The following SGCZ variants were observed in gnomAD, a reference collection of about 807,000 sequenced individuals.
SGCZ encodes the protein sarcoglycan zeta, also known as zeta-sarcoglycan.
In SGCZ, 40 loss-of-function variants were observed where a neutral mutation model predicts 41.3. The ratio of observed to expected loss-of-function variants is 0.97; its 90% confidence interval spans 0.75 to 1.26. The LOEUF (loss-of-function observed/expected upper bound fraction) is 1.26. SGCZ is among the 50% of genes most tolerant of loss of function. The pLI is 0.00. For missense variants in SGCZ, 552 were observed against 369.8 expected (o/e 1.49, Z -4.04); for synonymous variants, 206 against 137.5 (o/e 1.50, Z -3.49).
rs1434339789 is a variant in SGCZ, at chr8:14,365,334, G to C, written c.235-41130C>G. Among the ~76,000 whole-genome samples the C allele has an allele frequency of 2.6e-5, 4 of 151,698 alleles. 1 individual carries two copies. The South Asian group carries it at 8.3e-4, about 31-fold the overall frequency. On this transcript the variant is annotated intron_variant, in intron 2 of 7. Transcript: ENST00000382080. Reference sequence around the variant, plus strand: ...ACTTTAGTTAAATAATTTTTGTATTGTATTACAAAATATTTTCTGCATTTT... The same window carrying C: ...ACTTTAGTTAAATAATTTTTGTATTCTATTACAAAATATTTTCTGCATTTT...
chr8:14,880,151 G>A (rs1804533513), intron 1 of SGCZ, among the ~76,000 whole-genome samples: 1 of 152,008 alleles, frequency 6.6e-6, no homozygotes, highest in Non-Finnish European at 1.5e-5. Context: ...CAAAAAATCT[G>A]CATTTAACTC....
At chr8:14,269,821 T>C (rs1193566332) in intron 3 of SGCZ, among the ~76,000 whole-genome samples, 9 of 152,174 alleles carry the variant, frequency 5.9e-5, no homozygotes, top group East Asian at 5.8e-4. Flanking sequence ...ACAGTCTGCA[T>C]ACGTTTTTGC....
rs1228581321 is a variant in SGCZ, at chr8:14,324,191, T to C, written c.248A>G (p.Asn83Ser). 1.9e-6 allele frequency: 3 copies of C among 1,611,806 alleles called. No individual in the cohort carries two copies. The highest frequency in any genetic ancestry group is 4.5e-5 in the East Asian group (2 of 44,808). Reference protein sequence around the residue: ...VMNFTVDGMGNLRVTKKGIRL... With the variant: ...VMNFTVDGMGSLRVTKKGIRL... The stretch of plus-strand genomic sequence containing the variant: ...GATTCCCTTCTTGGTGACTCTCAGA[T>C]TTCCCATACCATCCTACAAGCAATG... The change falls in exon 3 of 8, where the codon AAT becomes AGT. Residue 83 changes from asparagine (N) to serine (S), a missense_variant. Asn to Ser is a conservative substitution (Grantham distance 46, BLOSUM62 1). Transcript: ENST00000382080.
chr8:14,748,570 C>T (rs1007612053), intron 1 of SGCZ, among the ~76,000 whole-genome samples: 6 of 152,232 alleles, frequency 3.9e-5, no homozygotes, highest in East Asian at 3.9e-4. Flanking sequence ...TGGAATATTT[C>T]GGCATGTTTC....
intron 2 of SGCZ, among the ~76,000 whole-genome samples, chr8:14,429,318 C>A (rs920599892): frequency 6.6e-6 from 1 of 152,064 alleles, no homozygotes; most frequent in African/African-American, 2.4e-5. Flanking sequence ...GAGGTTTGGT[C>A]AAAGACTTGG....
At chr8:14,138,209 C>T (rs1803260679) in intron 5 of SGCZ, among the ~76,000 whole-genome samples, 2 of 152,166 alleles carry the variant, frequency 1.3e-5, no homozygotes, top group South Asian at 4.1e-4. Context: ...ACAACCAGTA[C>T]CAGCCACTAC....
chr8:14,509,022 C>T (rs1043120253), intron 2 of SGCZ, among the ~76,000 whole-genome samples: 4 of 152,100 alleles, frequency 2.6e-5, no homozygotes, highest in African/African-American at 9.7e-5. Context: ...TAATATCGAA[C>T]TTTCAAACAC....
intron 1 of SGCZ, among the ~76,000 whole-genome samples, chr8:14,660,681 G>A (rs1203948484): frequency 6.6e-6 from 1 of 151,824 alleles, no homozygotes; most frequent in Non-Finnish European, 1.5e-5. Context: ...TTAGCTCTCA[G>A]AGAAGAGAGA....
At chr8:14,617,044 G>C (rs536013027) in intron 1 of SGCZ, among the ~76,000 whole-genome samples, 159 of 152,106 alleles carry the variant, frequency 1.0e-3, no homozygotes, top group Middle Eastern at 0.01. Flanking sequence ...ATATTAGGAA[G>C]AGAAAAAAAT....
chr8:14,250,303 C>G (rs760490259), intron 3 of SGCZ, among the ~76,000 whole-genome samples: 2 of 152,128 alleles, frequency 1.3e-5, no homozygotes, highest in African/African-American at 2.4e-5. Flanking sequence ...CATGTTAAAC[C>G]TACAAATCTA....
intron 1 of SGCZ, among the ~76,000 whole-genome samples, chr8:15,023,795 T>C (rs1393158772): frequency 6.6e-6 from 1 of 152,158 alleles, no homozygotes; most frequent in African/African-American, 2.4e-5. Context: ...AGAGTCCCAT[T>C]TGGCCTGTGA....
chr8:15,038,814 C>CAAAAAAAAAAAA (rs58922339), intron 1 of SGCZ, among the ~76,000 whole-genome samples: 2 of 93,084 alleles, frequency 2.1e-5, no homozygotes, highest in African/African-American at 8.1e-5. Flanking sequence ...TGACATTTCT[C>CAAAAAAAAAAAA]AAAAAAAAAA....
intron 2 of SGCZ, among the ~76,000 whole-genome samples, chr8:14,356,048 T>C (rs1294135086): frequency 2.6e-5 from 4 of 152,160 alleles, no homozygotes; most frequent in African/African-American, 9.7e-5. Context: ...TATTCTCTCA[T>C]AATGCTTGGG....
At chr8:14,246,928 A>T (rs1434835819) in intron 3 of SGCZ, among the ~76,000 whole-genome samples, 1 of 151,170 alleles carries the variant, frequency 6.6e-6, no homozygotes, top group African/African-American at 2.4e-5. Flanking sequence ...AAAAAAAAAA[A>T]AAAGTAAAAC....
chr8:14,645,825 C>A (rs1035870258), intron 1 of SGCZ, among the ~76,000 whole-genome samples: 3 of 151,694 alleles, frequency 2.0e-5, no homozygotes, highest in African/African-American at 7.3e-5. Context: ...ACATTCACAG[C>A]AAATTTTATT....
At chr8:14,718,824 T>C (rs944289943) in intron 1 of SGCZ, among the ~76,000 whole-genome samples, 1 of 146,828 alleles carries the variant, frequency 6.8e-6, no homozygotes, top group Non-Finnish European at 1.5e-5. Flanking sequence ...GTCTTTTTTC[T>C]TTTTTTTTGT....
chr8:14,807,539 C>T (rs1019675000), intron 1 of SGCZ, among the ~76,000 whole-genome samples: 30 of 151,722 alleles, frequency 2.0e-4, no homozygotes, highest in African/African-American at 6.8e-4. Context: ...TGAAGGACCT[C>T]TTCAAGGAGA....
chr8:15,210,325 A>G (rs1239691468), intron 1 of SGCZ, among the ~76,000 whole-genome samples: 3 of 152,160 alleles, frequency 2.0e-5, no homozygotes, highest in Non-Finnish European at 4.4e-5. Flanking sequence ...TCTTTATGAT[A>G]TGAAGTCATT....
At chr8:14,137,924 C>T (rs1171065334) in intron 5 of SGCZ, among the ~76,000 whole-genome samples, 2 of 152,126 alleles carry the variant, frequency 1.3e-5, no homozygotes, top group Non-Finnish European at 2.9e-5. Context: ...TAAGGGCAGC[C>T]AGAGAGAAAG....
Sources: allele counts gnomAD v4.1 joint callset (sites outside exome capture counted in the v4.1 genomes callset), GRCh38; gene constraint gnomAD v4.1.1; transcripts MANE v1.5; gene names NCBI Gene and HGNC (gene_info 2026-07-23, HGNC 2026-07-21).